Variants in PLVAP observed in about 807,000 individuals in gnomAD.
The protein encoded by PLVAP is plasmalemma vesicle associated protein.
PLVAP carries 34 observed loss-of-function variants against 43.1 expected under a neutral mutation model. The observed-to-expected ratio is 0.79, with a 90% CI of 0.60 to 1.05. The LOEUF is 1.05. Among genes scored for constraint, PLVAP ranks in the 50% least tolerant of loss-of-function variants. The pLI is 0.00. For missense variants in PLVAP, 574 were observed against 593.4 expected, an observed-to-expected ratio of 0.97 and a Z score of 0.34; for synonymous variants, 241 against 237.3, an observed-to-expected ratio of 1.02 and a Z score of -0.14.
rs148432183 is a variant in PLVAP at position 17,377,087 on chromosome 19, C to T, written c.202G>A (p.Glu68Lys). Residue 68 changes from glutamate (E) to lysine (K), a missense_variant, in exon 1 of 6, where the codon GAG becomes AAG. Glu to Lys is a moderately conservative substitution (Grantham distance 56, BLOSUM62 1). Coordinates refer to ENST00000252590, the MANE Select transcript of PLVAP (RefSeq NM_031310.3). Reference protein sequence around the residue: ...SNLQATERRAEGLYSQLLGLT... With the variant: ...SNLQATERRAKGLYSQLLGLT... ...CCTAGGAGCTGACTGTATAGGCCCT[C>T]GGCTCGGCGCTCGGTGGCCTGCAGG... The T allele has an allele frequency of 8.4e-5, 135 of 1,613,994 alleles. No individual in the cohort carries two copies. Among genetic ancestry groups the T allele is most frequent in the Non-Finnish European group, 1.1e-4 (126 of 1,180,030 alleles).
At position 17,360,647 on chromosome 19, in the gene PLVAP, C is replaced by T. The variant is rs373501212; in HGVS notation, c.1241-38G>A. The stretch of plus-strand genomic sequence containing the variant: ...AGAGGTGAGGCTTGACCTACAGCTT[C>T]AGTTGCCCCTGCCCCTGGGCTAGGG... On this transcript the variant is annotated intron_variant, in intron 4 of 5. Transcript: ENST00000252590. 1.7e-4 allele frequency: 274 copies of T among 1,593,744 alleles called. 5 individuals carry two copies. Among genetic ancestry groups the T allele is most frequent in the East Asian group, 1.1e-3 (47 of 44,688 alleles).
chr19:17,368,716 G>A (rs1194389952), intron 1 of PLVAP, among the ~76,000 whole-genome samples: 2 of 152,036 alleles, frequency 1.3e-5, no homozygotes, highest in East Asian at 1.9e-4. Flanking sequence ...GGTGGCTCAC[G>A]CCTGTAATCC....
chr19:17,360,908 CT>C (rs1488775809), intron 3 of PLVAP, 76 bp from the exon 4 acceptor site: 193 of 1,062,738 alleles, frequency 1.8e-4, no homozygotes, highest in African/African-American at 7.9e-4. Context: ...CTTTTCTTTT[CT>C]TTTTCTTTTT....
chr19:17,365,849 G>A lies in PLVAP; in HGVS notation c.616C>T (p.Leu206=), dbSNP rs759935116. 53 of 1,614,008 alleles carry A rather than the reference G, an allele frequency of 3.3e-5. No homozygotes were observed. Among genetic ancestry groups the A allele is most frequent in the Non-Finnish European group, 4.4e-5 (52 of 1,180,036 alleles). ...QLVECVKTRE[L]QHQERQLAKE... Reference sequence around the variant, plus strand: ...GCCAGCTGGCGCTCTTGGTGCTGCAGCTCCCGGGTTTTCACGCATTCAACC... The same window carrying A: ...GCCAGCTGGCGCTCTTGGTGCTGCAACTCCCGGGTTTTCACGCATTCAACC... Residue 206 remains leucine, a synonymous_variant, in exon 3 of 6, where the codon CTG becomes TTG. Transcript: ENST00000252590.
In PLVAP at chr19:17,369,199, T is replaced by A. The variant is rs180684519; in HGVS notation, c.370-3004A>T. Among the ~76,000 whole-genome samples the A allele has an allele frequency of 1.7e-3, 254 of 151,484 alleles. 2 individuals carry two copies. The highest frequency in any genetic ancestry group is 6.0e-3 in the African/African-American group (248 of 41,486). On this transcript the variant is annotated intron_variant, in intron 1 of 5. Transcript: ENST00000252590. ...TTTTGTTTTTTTTTTTGTTGTTGTT[T>A]TTGAGACAGGGTTTTTTGCTCTGTC...
At position 17,365,856 on chromosome 19, in the gene PLVAP, G is replaced by T. The variant is rs1212009570; in HGVS notation, c.609C>A (p.Thr203=). The part of the protein sequence containing the change: ...AEEQLVECVK[T]RELQHQERQL... Reference sequence around the variant, plus strand: ...GGCGCTCTTGGTGCTGCAGCTCCCGGGTTTTCACGCATTCAACCAGCTGTT... The same window carrying T: ...GGCGCTCTTGGTGCTGCAGCTCCCGTGTTTTCACGCATTCAACCAGCTGTT... Residue 203 remains threonine (T), a synonymous_variant, in exon 3 of 6, where the codon ACC becomes ACA. Coordinates refer to ENST00000252590, the MANE Select transcript of PLVAP (RefSeq NM_031310.3). The T allele has an allele frequency of 1.9e-6, 3 of 1,613,960 alleles. No individual in the cohort carries two copies. Among genetic ancestry groups the T allele is most frequent in the Non-Finnish European group, 2.5e-6 (3 of 1,180,040 alleles).
chr19:17,375,945 T>C (rs139339858), intron 1 of PLVAP, among the ~76,000 whole-genome samples: 1,854 of 146,572 alleles, frequency 0.013, 32 homozygotes, highest in African/African-American at 0.044. Context: ...CTTTGGGAGG[T>C]CCAGGAGGGA....
At position 17,352,222 on chromosome 19, in the gene PLVAP, A is replaced by G. The variant is rs1052458564; in HGVS notation, c.*140T>C. ...GTGTGAGAGGGTACTAGGGGTTTGC[A>G]TGCAGGGAGTTGTCTGATGGTGGCC... On this transcript the variant is annotated 3_prime_UTR_variant, in exon 6 of 6. Transcript: ENST00000252590. The G allele has an allele frequency of 1.7e-5, 19 of 1,119,188 alleles. No individual in the cohort carries two copies. Among genetic ancestry groups the G allele is most frequent in the Non-Finnish European group, 2.4e-5 (19 of 794,764 alleles). The allele number at this position is 1,119,188 out of a possible 1,614,324, so 69.3% of individuals were successfully genotyped here. A position where few individuals can be genotyped will look rare whatever the true frequency, so the allele number is the denominator to read the frequency against.
chr19:17,361,761 C>A (rs1322614329), intron 3 of PLVAP, among the ~76,000 whole-genome samples: 2 of 152,078 alleles, frequency 1.3e-5, no homozygotes, highest in African/African-American at 4.8e-5. Context: ...TTCTCTTGAC[C>A]CAACCTCTAT....
At chr19:17,359,962 G>A (rs1444895610) in intron 5 of PLVAP, among the ~76,000 whole-genome samples, 2 of 152,152 alleles carry the variant, frequency 1.3e-5, no homozygotes, top group African/African-American at 4.8e-5. Flanking sequence ...CAGCCTCCAG[G>A]CCTTTGGCCT....
intron 5 of PLVAP, among the ~76,000 whole-genome samples, chr19:17,354,757 G>A (rs1053340612): frequency 6.6e-6 from 1 of 151,616 alleles, no homozygotes; most frequent in Non-Finnish European, 1.5e-5. Flanking sequence ...AATTAACCGG[G>A]CGTGGTGGTG....
intron 5 of PLVAP, among the ~76,000 whole-genome samples, chr19:17,359,453 T>C (rs533108890): frequency 9.9e-5 from 15 of 151,848 alleles, no homozygotes; most frequent in Non-Finnish European, 2.2e-4. Context: ...GTTCCCAGGC[T>C]GGAGTGCAAT....
At chr19:17,361,271 A>C (rs1020428412) in intron 3 of PLVAP, among the ~76,000 whole-genome samples, 9 of 152,166 alleles carry the variant, frequency 5.9e-5, no homozygotes, top group African/African-American at 1.9e-4. Flanking sequence ...CTTCCAGGGC[A>C]GGGTAACAGA....
intron 5 of PLVAP, among the ~76,000 whole-genome samples, chr19:17,353,111 G>A (rs547231953): frequency 1.3e-5 from 2 of 152,346 alleles, no homozygotes; most frequent in South Asian, 4.1e-4. Context: ...CCTGCTGGGG[G>A]AGGAGGGGGC....
At chr19:17,358,373 T>C (rs1342454715) in intron 5 of PLVAP, among the ~76,000 whole-genome samples, 1 of 152,002 alleles carries the variant, frequency 6.6e-6, no homozygotes, top group Non-Finnish European at 1.5e-5. Context: ...AATCCCATAT[T>C]AGCCCTCTGA....
At chr19:17,375,011 G>A (rs1274387894) in intron 1 of PLVAP, among the ~76,000 whole-genome samples, 4 of 152,056 alleles carry the variant, frequency 2.6e-5, no homozygotes, top group Non-Finnish European at 5.9e-5. Context: ...TAGTACAGAC[G>A]GGGTTTCACT....
At chr19:17,373,831 C>T (rs1407789619) in intron 1 of PLVAP, among the ~76,000 whole-genome samples, 2 of 152,124 alleles carry the variant, frequency 1.3e-5, no homozygotes, top group Non-Finnish European at 2.9e-5. Flanking sequence ...AGTCACCTCC[C>T]CTCTCATGCC....
intron 5 of PLVAP, among the ~76,000 whole-genome samples, chr19:17,356,225 G>T (rs962313336): frequency 2.6e-5 from 4 of 152,090 alleles, no homozygotes; most frequent in Non-Finnish European, 4.4e-5. Context: ...CATGAGAATC[G>T]CTTGAACCCG....
intron 3 of PLVAP, among the ~76,000 whole-genome samples, chr19:17,363,466 C>T (rs1173754082): frequency 1.3e-5 from 2 of 151,864 alleles, no homozygotes; most frequent in Non-Finnish European, 2.9e-5. Context: ...CGCGCCTGGT[C>T]GTAGAGGTCT....
Sources: gnomAD v4.1 joint callset for allele counts (sites outside exome capture counted in the v4.1 genomes callset) on GRCh38, gnomAD v4.1.1 for gene constraint, MANE v1.5 for transcripts, NCBI Gene and HGNC (gene_info 2026-07-23, HGNC 2026-07-21) for gene names.